Variants in NUP133 observed in about 807,000 individuals in gnomAD.
The protein encoded by NUP133 is nucleoporin 133, also known as nuclear pore complex protein Nup133.
NUP133 carries 66 observed loss-of-function variants against 146.2 expected under a neutral mutation model. The ratio of observed to expected loss-of-function variants is 0.45; its 90% confidence interval spans 0.37 to 0.55. NUP133 has a LOEUF of 0.55. NUP133 is among the 20% of genes least tolerant of loss of function. The pLI is 0.00. For synonymous variants in NUP133, 521 were observed against 498.8 expected, an observed-to-expected ratio of 1.04 and a Z score of -0.59; for missense variants, 1,277 against 1,374.8, an observed-to-expected ratio of 0.93 and a Z score of 1.12.
At chr1:229,480,391 A>C (rs933606772) in intron 12 of NUP133, among the ~76,000 whole-genome samples, 6 of 152,210 alleles carry the variant, frequency 3.9e-5, no homozygotes, top group African/African-American at 1.4e-4. Context: ...GGTTATGAAA[A>C]TACAAAGGTG....
At chr1:229,473,896 C>T (rs1661012427) in intron 14 of NUP133, among the ~76,000 whole-genome samples, 1 of 151,026 alleles carries the variant, frequency 6.6e-6, no homozygotes, top group Non-Finnish European at 1.5e-5. Context: ...TGTACTCCAG[C>T]CTGGGCGATG....
At chr1:229,452,748 A>T (rs1368237705) in intron 21 of NUP133, 105 bp from the exon 22 acceptor site, 2 of 729,216 alleles carry the variant, frequency 2.7e-6, no homozygotes, top group East Asian at 5.2e-5. Flanking sequence ...AGAAAAAAAT[A>T]GCTCCAGAGG....
chr1:229,473,886 T>C (rs772486075), intron 14 of NUP133, among the ~76,000 whole-genome samples: 29 of 151,854 alleles, frequency 1.9e-4, no homozygotes, highest in Admixed American at 6.6e-4. Context: ...ATTGCGCCAC[T>C]GTACTCCAGC....
At chr1:229,468,362 T>C (rs692949) in intron 15 of NUP133, among the ~76,000 whole-genome samples, 2 of 152,202 alleles carry the variant, frequency 1.3e-5, no homozygotes, top group Non-Finnish European at 2.9e-5. Flanking sequence ...CATATAGCTA[T>C]TGTATTCTCT....
chr1:229,466,177 C>T (rs1160211335), intron 16 of NUP133, among the ~76,000 whole-genome samples: 1 of 151,924 alleles, frequency 6.6e-6, no homozygotes, highest in Non-Finnish European at 1.5e-5. Context: ...GTTACATTAA[C>T]AATACGTTTG....
rs201585203 is a variant in NUP133, at chr1:229,502,024, T to C, written c.380A>G (p.Lys127Arg). The C allele has an allele frequency of 1.3e-4, 202 of 1,613,472 alleles. 1 individual carries two copies. The highest frequency in any genetic ancestry group is 1.7e-4 in the Non-Finnish European group (199 of 1,179,550). ...LVCKEKLIIW[K>R]IALSPITKLS... ...CTTAGTAATAGGTGACAGAGCAATC[T>C]TCCAAATAATGAGCTTCTCTTTGCA... The change falls in exon 3 of 26, where the codon AAG (lysine) becomes AGG (arginine). Residue 127 changes from lysine (K) to arginine (R), a missense_variant. Physicochemically the swap from Lys to Arg is conservative, Grantham distance 26. Around this residue, in one of 3 missense-constraint regions of NUP133, gnomAD observed 319 missense variants for 306.9 expected, o/e 1.04. Transcript: ENST00000261396.
At chr1:229,484,257 TTGCCGTATTGTC>T (rs1357942890) in intron 11 of NUP133, 112 bp from the exon 12 acceptor site, 109 of 666,334 alleles carry the variant, frequency 1.6e-4, no homozygotes, top group Middle Eastern at 4.1e-4. Context: ...CACGAGCTGT[TTGCCGTATTGTC>T]TGTACCAGGG....
At chr1:229,501,860 A>C in intron 3 of NUP133, 139 bp downstream of exon 3, 1 of 614,810 alleles carries the variant, frequency 1.6e-6, no homozygotes, top group Non-Finnish European at 2.9e-6. Flanking sequence ...ATTTCACATC[A>C]CTATGAAAAT....
intron 12 of NUP133, among the ~76,000 whole-genome samples, chr1:229,478,757 C>T (rs999543772): frequency 2.0e-5 from 3 of 152,182 alleles, no homozygotes; most frequent in Admixed American, 6.5e-5. Flanking sequence ...TTAGAGGACA[C>T]GGTCTTGTAA....
chr1:229,499,933 T>C, intron 4 of NUP133, 115 bp from the exon 5 acceptor site: 1 of 1,275,722 alleles, frequency 7.8e-7, no homozygotes, highest in Non-Finnish European at 1.1e-6. Context: ...TCAAGAAAAA[T>C]CAGAAATAAG....
At chr1:229,457,069 C>G (rs1314569252) in intron 21 of NUP133, among the ~76,000 whole-genome samples, 1 of 152,088 alleles carries the variant, frequency 6.6e-6, no homozygotes, top group Admixed American at 6.6e-5. Flanking sequence ...TCAAGCAATC[C>G]TCCCACGTCA....
intron 21 of NUP133, among the ~76,000 whole-genome samples, chr1:229,455,059 C>T (rs1355378370): frequency 6.6e-6 from 1 of 152,146 alleles, no homozygotes; most frequent in South Asian, 2.1e-4. Flanking sequence ...TCCAAGGTCA[C>T]AAAGCTAGTA....
At chr1:229,505,448 C>T (rs1347056245) in intron 2 of NUP133, among the ~76,000 whole-genome samples, 1 of 151,390 alleles carries the variant, frequency 6.6e-6, no homozygotes, top group Non-Finnish European at 1.5e-5. Flanking sequence ...GGAAGATATC[C>T]CCCAAAGATA....
intron 19 of NUP133, among the ~76,000 whole-genome samples, 194 bp downstream of exon 19, chr1:229,463,349 C>T (rs1038197716): frequency 4.6e-5 from 7 of 152,074 alleles, no homozygotes; most frequent in Admixed American, 2.6e-4. Flanking sequence ...TTGAGGCTGT[C>T]GTGAACTGTG....
chr1:229,449,873 A>ATATATATATATTT (rs1261799272), intron 23 of NUP133, among the ~76,000 whole-genome samples: 1 of 85,804 alleles, frequency 1.2e-5, no homozygotes, highest in African/African-American at 5.1e-5. Context: ...ATATATATAT[A>ATATATATATATTT]TTTTTTTTTT....
In NUP133 at chr1:229,463,595, T is replaced by C. The variant is rs990337534; in HGVS notation, c.2633A>G (p.Gln878Arg). Residue 878 changes from glutamine to arginine, a missense_variant, in exon 19 of 26, where the codon CAG (glutamine) becomes CGG (arginine). Gln to Arg is a conservative substitution (Grantham distance 43). Transcript: ENST00000261396. ...DFDILVQMCE[Q>R]TDNQSRLQRY... is the part of the protein sequence containing the mutation. ...CTGGAGTCGGCTCTGGTTGTCAGTC[T>C]GCTCACACATTTGTACCAATATATC... 1 of 1,614,124 alleles carries C rather than the reference T, an allele frequency of 6.2e-7. No individual in the cohort carries two copies. The highest frequency in any genetic ancestry group is 8.5e-7 in the Non-Finnish European group (1 of 1,180,012).
intron 24 of NUP133, among the ~76,000 whole-genome samples, chr1:229,448,604 G>A (rs1660367256): frequency 6.6e-6 from 1 of 152,176 alleles, no homozygotes; most frequent in Non-Finnish European, 1.5e-5. Flanking sequence ...TGTGTAAGAA[G>A]TAGCCATTCT....
intron 12 of NUP133, among the ~76,000 whole-genome samples, chr1:229,478,466 T>C (rs1040687875): frequency 6.6e-6 from 1 of 151,104 alleles, no homozygotes; most frequent in Non-Finnish European, 1.5e-5. Flanking sequence ...GGGAGGGGTA[T>C]ACAGCTGCAC....
intron 18 of NUP133, 95 bp downstream of exon 18, chr1:229,464,529 G>A: frequency 5.0e-6 from 7 of 1,409,308 alleles, no homozygotes; most frequent in Non-Finnish European, 6.8e-6. Context: ...ATTACAGTTG[G>A]ATTAACACTA....
Sources: allele counts gnomAD v4.1 joint callset (sites outside exome capture counted in the v4.1 genomes callset), GRCh38; gene constraint gnomAD v4.1.1; regional missense constraint gnomAD v4.1.1; transcripts MANE v1.5; gene names NCBI Gene and HGNC (gene_info 2026-07-23, HGNC 2026-07-21).